DMD: variants seen among roughly 807,000 people sequenced by gnomAD.
DMD encodes the protein mutant dystrophin.
DMD carries 63 observed loss-of-function variants against 330.1 expected under a neutral mutation model. That is an observed-to-expected ratio of 0.19 (90% CI 0.16 to 0.24). The LOEUF (loss-of-function observed/expected upper bound fraction) is 0.24. DMD is among the 10% of genes least tolerant of loss of function. The probability of loss-of-function intolerance (pLI) is 1.00; values close to 1 mark genes in which losing one functional copy is unlikely to be tolerated. For synonymous variants in DMD, 1,223 were observed against 959.8 expected, an observed-to-expected ratio of 1.27 and a Z score of -5.07; for missense variants, 3,344 against 2,684.1, an observed-to-expected ratio of 1.25 and a Z score of -5.43.
intron 29 of DMD, among the ~76,000 whole-genome samples, chrX:32,434,989 T>G (rs903965996): frequency 9.6e-6 from 1 of 104,278 alleles, no homozygotes; most frequent in African/African-American, 3.3e-5. Flanking sequence ...CAGCTAGGAC[T>G]GATAATAGTT....
intron 54 of DMD, among the ~76,000 whole-genome samples, chrX:31,643,123 C>T (rs1037102959): frequency 9.0e-6 from 1 of 111,581 alleles, no homozygotes; most frequent in Admixed American, 9.5e-5. Flanking sequence ...GTTCATTTCA[C>T]TCATCCATTT....
At chrX:31,941,754 T>C (rs144301215) in intron 45 of DMD, among the ~76,000 whole-genome samples, 150 of 111,425 alleles carry the variant, frequency 1.3e-3, no homozygotes, top group African/African-American at 4.7e-3. Flanking sequence ...ACCTTTATAA[T>C]GAGTACCCAA....
intron 9 of DMD, among the ~76,000 whole-genome samples, chrX:32,676,028 T>C (rs2061944887): frequency 9.0e-6 from 1 of 111,505 alleles, no homozygotes; most frequent in Non-Finnish European, 1.9e-5. Context: ...GTGACATACC[T>C]ATCAGTTTCT....
chrX:31,607,352 C>T (rs952304950), intron 55 of DMD, among the ~76,000 whole-genome samples: 5 of 111,977 alleles, frequency 4.5e-5, no homozygotes, highest in East Asian at 5.7e-4. Context: ...TGGCTGCAAT[C>T]GCTATAGGTA....
chrX:32,080,328 T>C (rs947670936), intron 44 of DMD, among the ~76,000 whole-genome samples: 1 of 112,247 alleles, frequency 8.9e-6, no homozygotes, highest in Admixed American at 9.5e-5. Flanking sequence ...TTGTCAGCAT[T>C]TCCATTAAAA....
chrX:32,723,881 A>G (rs904778196), intron 7 of DMD, among the ~76,000 whole-genome samples: 3 of 110,741 alleles, frequency 2.7e-5, no homozygotes, highest in Admixed American at 1.9e-4. Flanking sequence ...CAACTAAAAA[A>G]AAAAACCTGC....
intron 7 of DMD, among the ~76,000 whole-genome samples, chrX:32,705,890 G>A (rs2064585531): frequency 9.1e-6 from 1 of 110,191 alleles, no homozygotes; most frequent in Non-Finnish European, 1.9e-5. Flanking sequence ...ATACCCAAAG[G>A]ACTATAAATC....
chrX:32,885,827 GAAAAAAAA>G (rs35272541), intron 2 of DMD, among the ~76,000 whole-genome samples: 708 of 64,944 alleles, frequency 0.011, 7 homozygotes, highest in African/African-American at 0.039. Context: ...CCTTGAGGGG[GAAAAAAAA>G]AAAAAAAAAA....
At chrX:32,641,910 G>A (rs990268989) in intron 11 of DMD, among the ~76,000 whole-genome samples, 3 of 111,376 alleles carry the variant, frequency 2.7e-5, no homozygotes, top group Non-Finnish European at 5.7e-5. Flanking sequence ...GCTCCAAGTT[G>A]AAGCTAATCA....
At chrX:32,566,710 A>G (rs1399697469) in intron 15 of DMD, among the ~76,000 whole-genome samples, 1 of 111,937 alleles carries the variant, frequency 8.9e-6, no homozygotes, top group African/African-American at 3.3e-5. Flanking sequence ...TGAAAGGAAT[A>G]AGTGGTTTAT....
intron 1 of DMD, among the ~76,000 whole-genome samples, chrX:33,025,200 T>A: frequency 9.0e-6 from 1 of 111,719 alleles, no homozygotes; most frequent in Non-Finnish European, 1.9e-5. Flanking sequence ...TTCAGAAGGA[T>A]GAGAGAAAGT....
At chrX:33,280,656 C>A (rs2053315469) in intron 1 of DMD, among the ~76,000 whole-genome samples, 1 of 111,454 alleles carries the variant, frequency 9.0e-6, no homozygotes, top group African/African-American at 3.3e-5. Context: ...ATGAATATGT[C>A]CAAACTCATC....
intron 44 of DMD, among the ~76,000 whole-genome samples, chrX:32,105,563 C>T (rs2096560563): frequency 9.0e-6 from 1 of 111,728 alleles, no homozygotes; most frequent in South Asian, 3.7e-4. Context: ...AGACTTTCTT[C>T]TAAAACAATC....
At chrX:32,546,626 A>C (rs2048991125) in intron 16 of DMD, among the ~76,000 whole-genome samples, 1 of 111,765 alleles carries the variant, frequency 8.9e-6, no homozygotes, top group African/African-American at 3.2e-5. Context: ...CCTTTTGTTA[A>C]AGACATATCT....
chrX:33,017,341 T>C (rs2093822142), intron 2 of DMD, among the ~76,000 whole-genome samples: 3 of 107,350 alleles, frequency 2.8e-5, no homozygotes, highest in Admixed American at 1.0e-4. Flanking sequence ...TAAAAGGCAA[T>C]GAAAAATTAT....
At chrX:32,497,555 C>T (rs2043622101) in intron 19 of DMD, among the ~76,000 whole-genome samples, 1 of 111,830 alleles carries the variant, frequency 8.9e-6, no homozygotes, top group Admixed American at 9.5e-5. Context: ...ACCTGAGCTA[C>T]GCCTACATAT....
intron 17 of DMD, among the ~76,000 whole-genome samples, chrX:32,535,200 T>C (rs1396226860): frequency 9.0e-6 from 1 of 111,511 alleles, no homozygotes; most frequent in Non-Finnish European, 1.9e-5. Flanking sequence ...TTAAGTGGCT[T>C]AAGTCACATA....
intron 61 of DMD, among the ~76,000 whole-genome samples, chrX:31,344,039 G>GGGC (rs2057937882): frequency 1.7e-5 from 1 of 58,930 alleles, no homozygotes; most frequent in African/African-American, 1.1e-4. Context: ...TTGGAGTGCG[G>GGGC]GGGGGGGTGG....
intron 1 of DMD, among the ~76,000 whole-genome samples, chrX:33,274,220 T>G (rs954692733): frequency 8.9e-6 from 1 of 112,265 alleles, no homozygotes; most frequent in African/African-American, 3.2e-5. Context: ...AGAATTCTAC[T>G]GTTCATATTT....
Sources: allele counts gnomAD v4.1 joint callset (sites outside exome capture counted in the v4.1 genomes callset), GRCh38; gene constraint gnomAD v4.1.1; transcripts MANE v1.5; gene names NCBI Gene and HGNC (gene_info 2026-07-23, HGNC 2026-07-21).